The following UNC5D variants were observed in gnomAD, a reference collection of about 807,000 sequenced individuals.
The protein encoded by UNC5D is netrin receptor UNC5D.
UNC5D carries 39 observed loss-of-function variants against 105.4 expected under a neutral mutation model. The ratio of observed to expected loss-of-function variants is 0.37; its 90% confidence interval spans 0.29 to 0.48. The LOEUF (loss-of-function observed/expected upper bound fraction) is 0.48. UNC5D is among the 20% of genes least tolerant of loss of function. The pLI is 0.98. For missense variants in UNC5D, 991 were observed against 1,202.4 expected, an observed-to-expected ratio of 0.82 and a Z score of 2.60; for synonymous variants, 452 against 450.4, an observed-to-expected ratio of 1.00 and a Z score of -0.04.
chr8:35,652,285 T>G (rs1297830277), intron 4 of UNC5D, among the ~76,000 whole-genome samples: 2 of 152,238 alleles, frequency 1.3e-5, no homozygotes, highest in Non-Finnish European at 2.9e-5. Context: ...AAAACATTAA[T>G]TGCTTTTCAA....
chr8:35,512,492 A>G (rs1200971324), intron 1 of UNC5D, among the ~76,000 whole-genome samples: 2 of 115,962 alleles, frequency 1.7e-5, no homozygotes, highest in African/African-American at 7.0e-5. Flanking sequence ...ATATATATAT[A>G]TATATATATA....
intron 15 of UNC5D, among the ~76,000 whole-genome samples, chr8:35,768,071 T>C (rs1801852966): frequency 6.6e-6 from 1 of 151,590 alleles, no homozygotes; most frequent in Non-Finnish European, 1.5e-5. Context: ...TGGCAGAAGA[T>C]TGAACACATT....
chr8:35,391,086 G>A (rs1248143679), intron 1 of UNC5D, among the ~76,000 whole-genome samples: 1 of 152,196 alleles, frequency 6.6e-6, no homozygotes, highest in Non-Finnish European at 1.5e-5. Context: ...TGGGAGAGAT[G>A]CATAAAGAAT....
chr8:35,718,835 G>A (rs1208058525), intron 8 of UNC5D, among the ~76,000 whole-genome samples: 1 of 152,008 alleles, frequency 6.6e-6, no homozygotes, highest in African/African-American at 2.4e-5. Context: ...GGGGTCGGGG[G>A]GTATATGTTA....
chr8:35,334,728 G>A (rs1022091871), intron 1 of UNC5D, among the ~76,000 whole-genome samples: 22 of 152,116 alleles, frequency 1.4e-4, no homozygotes, highest in Non-Finnish European at 2.5e-4. Context: ...TGGCAAGGAT[G>A]GTCTCGAACT....
intron 8 of UNC5D, among the ~76,000 whole-genome samples, chr8:35,712,399 A>G (rs1361219746): frequency 1.3e-5 from 2 of 152,236 alleles, no homozygotes; most frequent in Non-Finnish European, 2.9e-5. Context: ...CATCTTCCCT[A>G]CAATTTTAAT....
At position 35,750,737 on chromosome 8, in the gene UNC5D, C is replaced by T; in HGVS notation, c.2091C>T (p.Gly697=). 2 of 1,614,152 alleles carry T rather than the reference C, an allele frequency of 1.2e-6. No individual in the cohort carries two copies. Among genetic ancestry groups the T allele is most frequent in the South Asian group, 2.2e-5 (2 of 91,086 alleles). Residue 697 remains glycine (G), a synonymous_variant, in exon 13 of 17, where the codon GGC becomes GGT. Coordinates refer to ENST00000404895, the MANE Select transcript of UNC5D (RefSeq NM_080872.4). The part of the protein sequence containing the change: ...AVKQLKVAVF[G]CMSCNSLDYN... Reference sequence around the variant, plus strand: ...AGCAACTGAAGGTGGCGGTTTTTGGCTGCATGTCCTGTAACTCCCTGGATT... The same window carrying T: ...AGCAACTGAAGGTGGCGGTTTTTGGTTGCATGTCCTGTAACTCCCTGGATT...
At chr8:35,726,784 G>C in intron 10 of UNC5D, 1 of 543,630 alleles carries the variant, frequency 1.8e-6, no homozygotes, top group Non-Finnish European at 3.2e-6. Context: ...ATATTTGCCT[G>C]AAAGGTTTGG....
chr8:35,553,757 T>C (rs1372190998), intron 2 of UNC5D, among the ~76,000 whole-genome samples: 1 of 152,102 alleles, frequency 6.6e-6, no homozygotes, highest in Non-Finnish European at 1.5e-5. Flanking sequence ...TGGCCTCAGG[T>C]ATTGAAAAAT....
chr8:35,402,311 T>C (rs545932863), intron 1 of UNC5D, among the ~76,000 whole-genome samples: 3 of 152,166 alleles, frequency 2.0e-5, no homozygotes, highest in Admixed American at 6.5e-5. Context: ...ACAGTCATGA[T>C]GGAAGGTGAA....
chr8:35,475,651 C>T (rs1684921564), intron 1 of UNC5D, among the ~76,000 whole-genome samples: 1 of 152,178 alleles, frequency 6.6e-6, no homozygotes, highest in Admixed American at 6.5e-5. Flanking sequence ...AATTACCCAT[C>T]CTGAAAACCG....
At chr8:35,508,917 G>C (rs1366528969) in intron 1 of UNC5D, among the ~76,000 whole-genome samples, 1 of 152,170 alleles carries the variant, frequency 6.6e-6, no homozygotes, top group Non-Finnish European at 1.5e-5. Context: ...CCTCAGGTTT[G>C]ATTTAGTGAG....
chr8:35,438,203 C>T (rs1036151608), intron 1 of UNC5D, among the ~76,000 whole-genome samples: 14 of 152,064 alleles, frequency 9.2e-5, no homozygotes, highest in African/African-American at 2.9e-4. Context: ...TCCAGACAGA[C>T]GTGGCTTTGA....
rs568278961 is a variant in UNC5D at position 35,481,209 on chromosome 8, GT to G, written c.104-68082del. Among the ~76,000 whole-genome samples the G allele has an allele frequency of 7.6e-4, 116 of 152,270 alleles. 3 individuals carry two copies. The South Asian group carries it at 0.023, about 30-fold the overall frequency. On this transcript the variant is annotated intron_variant, in intron 1 of 16. Transcript: ENST00000404895. ...GGATTGACCTTTAACATTGAATAAAGTGCTGACTGCCCATCTGATGAGGCAG... is the reference window on the plus strand; with the variant it reads ...GGATTGACCTTTAACATTGAATAAAGGCTGACTGCCCATCTGATGAGGCAG...
At chr8:35,391,032 T>A (rs1433731815) in intron 1 of UNC5D, among the ~76,000 whole-genome samples, 1 of 152,236 alleles carries the variant, frequency 6.6e-6, no homozygotes, top group Non-Finnish European at 1.5e-5. Flanking sequence ...TTCTGTACTT[T>A]CATCTGTGAC....
chr8:35,451,623 T>C (rs1265829483), intron 1 of UNC5D, among the ~76,000 whole-genome samples: 2 of 152,168 alleles, frequency 1.3e-5, no homozygotes, highest in African/African-American at 2.4e-5. Flanking sequence ...TTTATATTCT[T>C]AAACAATATG....
At chr8:35,619,177 C>T (rs1444176868) in intron 4 of UNC5D, among the ~76,000 whole-genome samples, 1 of 152,090 alleles carries the variant, frequency 6.6e-6, no homozygotes, top group Non-Finnish European at 1.5e-5. Flanking sequence ...TAATAATAAT[C>T]ATAACAGCAT....
intron 11 of UNC5D, among the ~76,000 whole-genome samples, chr8:35,735,082 T>C (rs1462631912): frequency 2.0e-5 from 3 of 152,306 alleles, no homozygotes; most frequent in Non-Finnish European, 4.4e-5. Flanking sequence ...GCCCAGCCTT[T>C]AGATCATTTT....
At position 35,568,083 on chromosome 8, in the gene UNC5D, C is replaced by G. The variant is rs955487027; in HGVS notation, c.323-15C>G. ...CAGCCTCAGCTGATTTGTCTCTTAT[C>G]TCTCCCACCATCAGGTTTGAAGGTC... On this transcript the variant is annotated splice_polypyrimidine_tract_variant and intron_variant, in intron 2 of 16. Transcript: ENST00000404895. 1 of 1,613,166 alleles carries G rather than the reference C, an allele frequency of 6.2e-7. No individual in the cohort carries two copies. Among genetic ancestry groups the G allele is most frequent in the Non-Finnish European group, 8.5e-7 (1 of 1,179,586 alleles).
Sources: allele counts gnomAD v4.1 joint callset (sites outside exome capture counted in the v4.1 genomes callset), GRCh38; gene constraint gnomAD v4.1.1; transcripts MANE v1.5; gene names NCBI Gene and HGNC (gene_info 2026-07-23, HGNC 2026-07-21).